SLC8A3: variants seen among roughly 807,000 people sequenced by gnomAD.
SLC8A3 encodes the protein solute carrier family 8 member A3, also known as sodium/calcium exchanger 3.
SLC8A3 carries 37 observed loss-of-function variants against 65.4 expected under a neutral mutation model. The observed-to-expected ratio is 0.57, with a 90% CI of 0.44 to 0.74. The LOEUF is 0.74. Among genes scored for constraint, SLC8A3 ranks in the 30% least tolerant of loss-of-function variants. SLC8A3 has a pLI of 0.00. For synonymous variants in SLC8A3, 461 were observed against 444.5 expected (o/e 1.04, Z -0.47); for missense variants, 1,112 against 1,172.1 (o/e 0.95, Z 0.75).
intron 1 of SLC8A3, among the ~76,000 whole-genome samples, chr14:70,186,865 G>A (rs997519601): frequency 1.4e-4 from 22 of 152,194 alleles, no homozygotes; most frequent in African/African-American, 5.3e-4. Flanking sequence ...CATAAAGGGT[G>A]AACTGATCCC....
At chr14:70,095,191 T>C (rs980219552) in intron 2 of SLC8A3, among the ~76,000 whole-genome samples, 6 of 152,244 alleles carry the variant, frequency 3.9e-5, no homozygotes, top group African/African-American at 7.2e-5. Context: ...AAGGGTGCCA[T>C]TGACAGATCA....
chr14:70,139,340 T>G (rs1037448737), intron 2 of SLC8A3, among the ~76,000 whole-genome samples: 1 of 152,178 alleles, frequency 6.6e-6, no homozygotes, highest in Admixed American at 6.5e-5. Context: ...GGGGTACCTC[T>G]AAAAAGAGGA....
At chr14:70,161,948 G>A (rs1896918806) in intron 2 of SLC8A3, among the ~76,000 whole-genome samples, 1 of 152,236 alleles carries the variant, frequency 6.6e-6, no homozygotes, top group South Asian at 2.1e-4. Flanking sequence ...GGCCTAGCCT[G>A]AAGTTCACCA....
At chr14:70,114,560 G>A (rs544473281) in intron 2 of SLC8A3, among the ~76,000 whole-genome samples, 1 of 152,282 alleles carries the variant, frequency 6.6e-6, no homozygotes, top group Non-Finnish European at 1.5e-5. Flanking sequence ...GAAATTGTTG[G>A]AGGTTGGTTT....
At chr14:70,061,084 G>T in intron 2 of SLC8A3, 145 bp from the exon 3 acceptor site, 1 of 535,318 alleles carries the variant, frequency 1.9e-6, no homozygotes, top group Non-Finnish European at 3.3e-6. Context: ...GGACCATGGT[G>T]GATTGTGTTG....
rs977610655 is a variant in SLC8A3 at position 70,052,015 on chromosome 14, A to G, written c.1988T>C (p.Ile663Thr). The change falls in exon 4 of 7, where the codon ATC becomes ACC. Residue 663 changes from isoleucine (I) to threonine (T), a missense_variant. Coordinates refer to ENST00000356921, the MANE Select transcript of SLC8A3 (RefSeq NM_182932.3). ...CTTGAACTCATAGGACTCTTCAATG[A>G]TGACTTCTAGTTTGGGGTGTTCACC... ...VLGEHPKLEV[I>T]IEESYEFKTT... The G allele has an allele frequency of 6.2e-7, 1 of 1,613,466 alleles. No individual in the cohort carries two copies. The highest frequency in any genetic ancestry group is 8.5e-7 in the Non-Finnish European group (1 of 1,179,746).
At chr14:70,095,537 T>C (rs11627445) in intron 2 of SLC8A3, among the ~76,000 whole-genome samples, 16,593 of 152,302 alleles carry the variant, frequency 0.11, 905 homozygotes, top group African/African-American at 0.14. Flanking sequence ...TTGCTGCCCA[T>C]AGACCTGGCA....
Position 70,045,776 on chromosome 14 carries a change from ACTTTGCC to A in SLC8A3, c.*164_*170del. The A allele has an allele frequency of 3.4e-6, 2 of 592,026 alleles. No homozygotes were observed. The allele number at this position is 592,026 out of a possible 1,614,324, so 36.7% of individuals were successfully genotyped here. ...TTCCTCCATTGTTTGATTGATTAAG[ACTTTGCC>A]CTTTCAGTTAATTGCCAGGGCCTAA... On this transcript the variant is annotated 3_prime_UTR_variant, in exon 7 of 7. Coordinates refer to ENST00000356921, the MANE Select transcript of SLC8A3 (RefSeq NM_182932.3).
chr14:70,103,944 A>G (rs958711842), intron 2 of SLC8A3, among the ~76,000 whole-genome samples: 1 of 152,130 alleles, frequency 6.6e-6, no homozygotes, highest in Non-Finnish European at 1.5e-5. Context: ...GGAAAAATAT[A>G]AACTATGCAA....
intron 2 of SLC8A3, among the ~76,000 whole-genome samples, chr14:70,084,648 T>C (rs550443623): frequency 2.0e-5 from 3 of 152,328 alleles, no homozygotes; most frequent in East Asian, 1.9e-4. Context: ...TTTTGGAGCA[T>C]GACATTAAGA....
chr14:70,067,572 T>C (rs1889575178), intron 2 of SLC8A3, among the ~76,000 whole-genome samples: 2 of 152,194 alleles, frequency 1.3e-5, no homozygotes, highest in African/African-American at 4.8e-5. Context: ...CATGGTGAAT[T>C]TCTAACACAC....
In SLC8A3 at chr14:70,186,000, A is replaced by C. The variant is rs180753185; in HGVS notation, c.-63+2379T>G. Among the ~76,000 whole-genome samples the C allele has an allele frequency of 6.9e-4, 105 of 152,238 alleles. 1 individual carries two copies. In the East Asian group the frequency reaches 8.9e-3, roughly 13 times the overall value. ...GGAGTCCAATGGACTCCACGGCCAA[A>C]TATGGCTTGGCTGTGTCCCCACCCA... On this transcript the variant is annotated intron_variant, in intron 1 of 6. Coordinates refer to ENST00000356921, the MANE Select transcript of SLC8A3 (RefSeq NM_182932.3).
chr14:70,128,885 A>G (rs1352042030), intron 2 of SLC8A3, among the ~76,000 whole-genome samples: 1 of 152,182 alleles, frequency 6.6e-6, no homozygotes, highest in Non-Finnish European at 1.5e-5. Flanking sequence ...GTGTGCCTCA[A>G]TGTAGGATGT....
intron 1 of SLC8A3, among the ~76,000 whole-genome samples, chr14:70,171,142 G>C (rs943420022): frequency 6.6e-6 from 1 of 152,318 alleles, no homozygotes; most frequent in Middle Eastern, 3.4e-3. Context: ...ACAGATGGTA[G>C]GCACAGCTGA....
intron 1 of SLC8A3, 59 bp from the exon 2 acceptor site, chr14:70,168,543 G>C (rs775870359): frequency 1.4e-6 from 1 of 703,842 alleles, no homozygotes; most frequent in East Asian, 2.7e-5. Flanking sequence ...GCAAACGGCA[G>C]GTTCCCACCA....
chr14:70,179,846 T>C (rs1882579984), intron 1 of SLC8A3, among the ~76,000 whole-genome samples: 1 of 152,362 alleles, frequency 6.6e-6, no homozygotes, highest in Middle Eastern at 3.4e-3. Flanking sequence ...AGGATGATCA[T>C]ACAGAAGAAG....
chr14:70,079,684 A>G (rs775058325), intron 2 of SLC8A3, among the ~76,000 whole-genome samples: 1 of 151,600 alleles, frequency 6.6e-6, no homozygotes, highest in Non-Finnish European at 1.5e-5. Context: ...CAGCCTTGCC[A>G]ACCCTCCCCC....
At chr14:70,048,224 C>A in intron 6 of SLC8A3, 1 of 186,338 alleles carries the variant, frequency 5.4e-6, no homozygotes. Flanking sequence ...ATACTTTGTA[C>A]TCACAGTGTC....
Position 70,060,914 on chromosome 14 carries a change from C to A in SLC8A3, c.1810G>T (p.Asp604Tyr). 1 of 1,515,608 alleles carries A rather than the reference C, an allele frequency of 6.6e-7. No homozygotes were observed. 93.9% of individuals were successfully genotyped at this position (1,515,608 alleles called of 1,614,324 possible). The change falls in exon 3 of 7, where the codon GAT becomes TAT. Residue 604 changes from aspartate to tyrosine, a missense_variant. By Grantham distance (160) the Asp-to-Tyr change is radical. Transcript: ENST00000356921. ...TCTTGCCTTTCGTATTCCTCCTCAT[C>A]TACTATTTTAACCCTTATGGTTTTC... ...TVKTIRVKIVDEEEYERQENF... is the reference protein window; with the variant it reads ...TVKTIRVKIVYEEEYERQENF...
Sources: allele counts gnomAD v4.1 joint callset (sites outside exome capture counted in the v4.1 genomes callset), GRCh38; gene constraint gnomAD v4.1.1; transcripts MANE v1.5; gene names NCBI Gene and HGNC (gene_info 2026-07-23, HGNC 2026-07-21).